Variants in DPYD observed in about 807,000 individuals in gnomAD.
The protein encoded by DPYD is dihydropyrimidine dehydrogenase [NADP(+)].
A neutral mutation model predicts 116.2 loss-of-function variants in DPYD; 109 were observed. The observed-to-expected ratio is 0.94, with a 90% CI of 0.80 to 1.10. The LOEUF (loss-of-function observed/expected upper bound fraction) is 1.10. Ranked by LOEUF, DPYD falls within the 50% of genes least tolerant of loss-of-function variation. DPYD has a pLI of 0.00. For missense variants in DPYD, 1,302 were observed against 1,254.5 expected (o/e 1.04, Z -0.57); for synonymous variants, 440 against 432.0 (o/e 1.02, Z -0.23).
At chr1:97,691,395 T>G (rs1237259874) in intron 7 of DPYD, 2 of 237,970 alleles carry the variant, frequency 8.4e-6, no homozygotes, top group Non-Finnish European at 1.7e-5. Context: ...ACAACTTGCA[T>G]GAAAAAACAT....
chr1:97,892,504 A>G (rs1203369482), intron 1 of DPYD, among the ~76,000 whole-genome samples: 1 of 151,826 alleles, frequency 6.6e-6, no homozygotes, highest in African/African-American at 2.4e-5. Context: ...GGAACAGAAG[A>G]GGAGAGAATG....
chr1:97,257,245 C>A (rs557962544), intron 18 of DPYD, among the ~76,000 whole-genome samples: 1 of 151,524 alleles, frequency 6.6e-6, no homozygotes, highest in Non-Finnish European at 1.5e-5. Flanking sequence ...ATATACTCAC[C>A]TATTTATAAA....
chr1:97,464,300 T>A (rs1273324198), intron 13 of DPYD, among the ~76,000 whole-genome samples: 1 of 141,550 alleles, frequency 7.1e-6, no homozygotes. Flanking sequence ...AAGAAAATTT[T>A]CAACCTGGCA....
intron 11 of DPYD, among the ~76,000 whole-genome samples, chr1:97,560,035 A>C (rs917612948): frequency 6.6e-6 from 1 of 152,178 alleles, no homozygotes; most frequent in Non-Finnish European, 1.5e-5. Flanking sequence ...GAAATTAACT[A>C]CATATGTAGT....
intron 8 of DPYD, among the ~76,000 whole-genome samples, chr1:97,642,894 AAATT>A (rs1658017659): frequency 7.0e-6 from 1 of 143,574 alleles, no homozygotes; most frequent in African/African-American, 2.9e-5. Flanking sequence ...TAATAAAATT[AAATT>A]AAATTAAATT....
chr1:97,840,324 G>A (rs1165669713), intron 2 of DPYD, among the ~76,000 whole-genome samples: 1 of 151,964 alleles, frequency 6.6e-6, no homozygotes, highest in South Asian at 2.1e-4. Flanking sequence ...TAATATTTTG[G>A]TTGAATCTGC....
intron 5 of DPYD, among the ~76,000 whole-genome samples, chr1:97,702,530 G>A (rs1411121287): frequency 6.6e-6 from 1 of 151,852 alleles, no homozygotes; most frequent in Admixed American, 6.6e-5. Context: ...CTTAAATGAA[G>A]ACATTTATGA....
chr1:97,444,618 T>A (rs1224553770), intron 14 of DPYD, among the ~76,000 whole-genome samples: 4 of 152,082 alleles, frequency 2.6e-5, no homozygotes, highest in African/African-American at 9.7e-5. Context: ...TATATATACA[T>A]ATATACACAC....
At chr1:97,705,402 C>T (rs112934928) in intron 5 of DPYD, among the ~76,000 whole-genome samples, 23 of 151,994 alleles carry the variant, frequency 1.5e-4, no homozygotes, top group African/African-American at 5.1e-4. Flanking sequence ...TTTGTCCTTG[C>T]GATAGTTTGC....
At chr1:97,786,907 CTG>C (rs1358582262) in intron 3 of DPYD, among the ~76,000 whole-genome samples, 13 of 152,202 alleles carry the variant, frequency 8.5e-5, no homozygotes, top group Admixed American at 7.2e-4. Flanking sequence ...AGGGAGAAAA[CTG>C]TGTAAATTGT....
At chr1:97,411,034 G>A (rs141985763) in intron 14 of DPYD, among the ~76,000 whole-genome samples, 41 of 152,202 alleles carry the variant, frequency 2.7e-4, no homozygotes, top group Middle Eastern at 3.4e-3. Context: ...AAGAATGGAC[G>A]GTGGGGTCAA....
intron 11 of DPYD, among the ~76,000 whole-genome samples, chr1:97,564,976 C>G (rs980327601): frequency 3.9e-5 from 6 of 152,016 alleles, no homozygotes; most frequent in Non-Finnish European, 8.8e-5. Flanking sequence ...CGCCTCTCTC[C>G]AAAACACTAA....
intron 8 of DPYD, among the ~76,000 whole-genome samples, chr1:97,657,867 T>C (rs915028088): frequency 1.3e-5 from 2 of 152,154 alleles, no homozygotes; most frequent in Admixed American, 6.5e-5. Flanking sequence ...CTAGAAACAA[T>C]GGAACCACAG....
chr1:97,385,139 T>C (rs1304480108), intron 14 of DPYD, among the ~76,000 whole-genome samples: 1 of 151,838 alleles, frequency 6.6e-6, no homozygotes, highest in Non-Finnish European at 1.5e-5. Flanking sequence ...AGAGATGCTT[T>C]CCGCCCTTTC....
chr1:97,094,405 C>T (rs946700126), intron 21 of DPYD, among the ~76,000 whole-genome samples: 5 of 152,148 alleles, frequency 3.3e-5, no homozygotes, highest in African/African-American at 1.2e-4. Context: ...GGAAAGAATA[C>T]GTAAGCAACA....
Position 97,899,115 on chromosome 1 carries a change from T to C in DPYD, c.40-15741A>G, listed in dbSNP as rs74864439. 3.6e-3 allele frequency among the ~76,000 whole-genome samples: 547 copies of C among 151,634 alleles called. 7 individuals carry two copies. The highest frequency in any genetic ancestry group is 0.013 in the African/African-American group (529 of 41,478). ...TGTTTTGTTTTGTTTTTTTTTTTAA[T>C]GCCAAAGGCCTTGGGCCACGTTGTA... is the stretch of plus-strand genomic sequence containing the variant. On this transcript the variant is annotated intron_variant, in intron 1 of 22. Transcript: ENST00000370192.
intron 20 of DPYD, among the ~76,000 whole-genome samples, chr1:97,125,974 A>C (rs1397316531): frequency 6.6e-6 from 1 of 152,122 alleles, no homozygotes; most frequent in Non-Finnish European, 1.5e-5. Flanking sequence ...TTTAGAAATA[A>C]TTTATATCAT....
chr1:97,476,166 G>A (rs1677951812), intron 13 of DPYD, among the ~76,000 whole-genome samples: 1 of 152,118 alleles, frequency 6.6e-6, no homozygotes, highest in Non-Finnish European at 1.5e-5. Flanking sequence ...TGGTGCCAGA[G>A]CCACATCACT....
intron 14 of DPYD, among the ~76,000 whole-genome samples, chr1:97,397,784 C>T (rs1199431773): frequency 6.6e-6 from 1 of 151,972 alleles, no homozygotes; most frequent in African/African-American, 2.4e-5. Context: ...TTGGTTACTT[C>T]CCAGTTTGGG....
Sources: allele counts gnomAD v4.1 joint callset (sites outside exome capture counted in the v4.1 genomes callset), GRCh38; gene constraint gnomAD v4.1.1; transcripts MANE v1.5; gene names NCBI Gene and HGNC (gene_info 2026-07-23, HGNC 2026-07-21).